The following N4BP2 variants were observed in gnomAD, a reference collection of about 807,000 sequenced individuals.
The protein encoded by N4BP2 is NEDD4-binding protein 2.
In N4BP2, 91 loss-of-function variants were observed where a neutral mutation model predicts 152.8. The observed-to-expected ratio is 0.60, with a 90% CI of 0.50 to 0.71. The LOEUF is 0.71. Ranked by LOEUF, N4BP2 falls within the 30% of genes least tolerant of loss-of-function variation. N4BP2 has a pLI of 0.00. For missense variants in N4BP2, 1,923 were observed against 2,059.1 expected (o/e 0.93, Z 1.28); for synonymous variants, 646 against 705.3 (o/e 0.92, Z 1.33).
chr4:40,163,892 G>T, the N4BP2 span, among the ~76,000 whole-genome samples: 37 of 152,248 alleles, frequency 2.4e-4, no homozygotes, highest in Middle Eastern at 3.4e-3. Context: ...TAGAATTTGC[G>T]AAATCTTTCC....
chr4:40,186,020 T>C, the N4BP2 span, among the ~76,000 whole-genome samples: 2 of 152,174 alleles, frequency 1.3e-5, no homozygotes, highest in Non-Finnish European at 2.9e-5. Flanking sequence ...TATCTTCCCA[T>C]GAGAAGAGAA....
At chr4:40,089,978 T>G (rs1489773405) in intron 2 of N4BP2, among the ~76,000 whole-genome samples, 2 of 152,210 alleles carry the variant, frequency 1.3e-5, no homozygotes, top group Non-Finnish European at 2.9e-5. Flanking sequence ...AGGTCAAGGT[T>G]TATTTTTTAC....
At chr4:40,132,515 C>T (rs78340276) in intron 13 of N4BP2, among the ~76,000 whole-genome samples, 3,753 of 152,194 alleles carry the variant, frequency 0.025, 159 homozygotes, top group African/African-American at 0.086. Flanking sequence ...TTATATAAAA[C>T]ATAACCAGTA....
At chr4:40,065,064 G>T (rs181108094) in intron 1 of N4BP2, among the ~76,000 whole-genome samples, 267 of 152,268 alleles carry the variant, frequency 1.8e-3, no homozygotes, top group Middle Eastern at 3.4e-3. Context: ...CACTGTGCCC[G>T]GCTGGGGTTA....
At position 40,121,325 on chromosome 4, in the gene N4BP2, T is replaced by C. The variant is rs1225824702; in HGVS notation, c.3214T>C (p.Tyr1072His). The C allele has an allele frequency of 1.9e-6, 3 of 1,613,990 alleles. No homozygotes were observed. The South Asian group carries it at 3.3e-5, about 18-fold the overall frequency. Reference sequence around the variant, plus strand: ...AGAAGCAATTCCATATAGAGTAATGTATGATAAAAGCACGTTTGTTGAAGA... The same window carrying C: ...AGAAGCAATTCCATATAGAGTAATGCATGATAAAAGCACGTTTGTTGAAGA... ...VQEAIPYRVM[Y>H]DKSTFVEESE... Residue 1072 changes from tyrosine to histidine, a missense_variant, in exon 9 of 18, where the codon TAT becomes CAT. Transcript: ENST00000261435.
intron 7 of N4BP2, among the ~76,000 whole-genome samples, chr4:40,114,020 G>T (rs1326846112): frequency 6.6e-6 from 1 of 152,202 alleles, no homozygotes; most frequent in African/African-American, 2.4e-5. Flanking sequence ...TAGAGCACTG[G>T]AAGGTAGTAC....
the N4BP2 span, among the ~76,000 whole-genome samples, chr4:40,173,103 ACT>A: frequency 6.6e-6 from 1 of 151,926 alleles, no homozygotes; most frequent in African/African-American, 2.4e-5. Flanking sequence ...TGGTCATCTA[ACT>A]CTACTATCAC....
chr4:40,152,118 T>C (rs1721201441), intron 16 of N4BP2, among the ~76,000 whole-genome samples: 1 of 152,232 alleles, frequency 6.6e-6, no homozygotes, highest in South Asian at 2.1e-4. Context: ...TTAAGAACTA[T>C]CTATCAGGAA....
At position 40,119,982 on chromosome 4, in the gene N4BP2, CT is replaced by C; in HGVS notation, c.1874del (p.Leu625TyrfsTer3). 1 of 1,525,686 alleles carries C rather than the reference CT, an allele frequency of 6.6e-7. No individual in the cohort carries two copies. Among genetic ancestry groups the C allele is most frequent in the Non-Finnish European group, 8.9e-7 (1 of 1,122,266 alleles). The allele number at this position is 1,525,686 out of a possible 1,614,324, so 94.5% of individuals were successfully genotyped here. ...IISEKEENIL[S>X]LSLKHLEFTE... ...TCTGAAAAAGAAGAAAATATTTTAT[CT>C]TTATCTTTGAAGCATCTAGAGTTCA... On this transcript the variant is annotated frameshift_variant, in exon 9 of 18. Coordinates refer to ENST00000261435, the MANE Select transcript of N4BP2 (RefSeq NM_018177.6). LOFTEE classifies it high-confidence loss of function.
intron 5 of N4BP2, among the ~76,000 whole-genome samples, chr4:40,111,319 T>C (rs1716857299): frequency 6.6e-6 from 1 of 152,156 alleles, no homozygotes; most frequent in Admixed American, 6.6e-5. Context: ...CTTGACAGTC[T>C]TAATATGTGG....
chr4:40,158,799 A>G (rs1174732496), downstream of N4BP2, among the ~76,000 whole-genome samples: 2 of 152,274 alleles, frequency 1.3e-5, no homozygotes, highest in South Asian at 2.1e-4. Context: ...TTAGAGACTC[A>G]AGTAATGCTT....
the N4BP2 span, among the ~76,000 whole-genome samples, chr4:40,184,120 T>C: frequency 6.6e-6 from 1 of 152,202 alleles, no homozygotes; most frequent in African/African-American, 2.4e-5. Flanking sequence ...GAACATTTTG[T>C]CCATCTCAAA....
intron 17 of N4BP2, among the ~76,000 whole-genome samples, chr4:40,153,309 T>C (rs965384027): frequency 1.3e-5 from 2 of 152,226 alleles, no homozygotes; most frequent in African/African-American, 4.8e-5. Flanking sequence ...TTTGCTATTA[T>C]TCTTTTGAAA....
the N4BP2 span, among the ~76,000 whole-genome samples, chr4:40,183,727 G>T: frequency 6.6e-6 from 1 of 152,236 alleles, no homozygotes; most frequent in Non-Finnish European, 1.5e-5. Flanking sequence ...TCAAGTATTA[G>T]AGTAATGAAC....
chr4:40,067,349 T>G (rs1441079826), intron 1 of N4BP2, among the ~76,000 whole-genome samples: 4 of 83,166 alleles, frequency 4.8e-5, no homozygotes, highest in Non-Finnish European at 9.4e-5. Context: ...CTACTGTGCC[T>G]GGCCTCCTTT....
At chr4:40,076,293 T>C (rs1391417624) in intron 2 of N4BP2, among the ~76,000 whole-genome samples, 2 of 152,016 alleles carry the variant, frequency 1.3e-5, no homozygotes, top group Non-Finnish European at 2.9e-5. Flanking sequence ...CTGGCCATCA[T>C]GGTGAAACTC....
chr4:40,079,307 G>C (rs1177215578), intron 2 of N4BP2, among the ~76,000 whole-genome samples: 1 of 151,872 alleles, frequency 6.6e-6, no homozygotes, highest in Admixed American at 6.6e-5. Context: ...TTTAGAGATA[G>C]GCTCTTGCTG....
intron 12 of N4BP2, among the ~76,000 whole-genome samples, chr4:40,128,539 G>GTTTTTTTTTTTTT (rs11423243): frequency 1.4e-5 from 2 of 145,086 alleles, no homozygotes; most frequent in African/African-American, 5.1e-5. Flanking sequence ...TCTTCTTTCT[G>GTTTTTTTTTTTTT]TTTTTTTTTT....
chr4:40,124,332 TTTTA>T (rs771882180), intron 11 of N4BP2, 127 bp downstream of exon 11: 59 of 485,170 alleles, frequency 1.2e-4, no homozygotes, highest in Non-Finnish European at 1.8e-4. Context: ...CAAATAAAAG[TTTTA>T]TTTATTTATT....
Sources: gnomAD v4.1 joint callset for allele counts (sites outside exome capture counted in the v4.1 genomes callset) on GRCh38, gnomAD v4.1.1 for gene constraint, MANE v1.5 for transcripts, NCBI Gene and HGNC (gene_info 2026-07-23, HGNC 2026-07-21) for gene names.